ZNF665: variants seen among roughly 807,000 people sequenced by gnomAD.
ZNF665 encodes zinc finger protein 665.
ZNF665 carries 6 observed loss-of-function variants against 7.9 expected under a neutral mutation model. The observed-to-expected ratio is 0.76, with a 90% CI of 0.42 to 1.50. The LOEUF is 1.50. Ranked by LOEUF, ZNF665 falls within the 40% of genes most tolerant of loss-of-function variation. The pLI is 0.01. For synonymous variants in ZNF665, 242 were observed against 274.5 expected, an observed-to-expected ratio of 0.88 and a Z score of 1.17; for missense variants, 819 against 806.7, an observed-to-expected ratio of 1.02 and a Z score of -0.18.
rs537925140 is a variant in ZNF665 at position 53,176,030 on chromosome 19, G to A, written c.16-459C>T. On this transcript the variant is annotated intron_variant, in intron 2 of 3. Coordinates refer to ENST00000396424, the MANE Select transcript of ZNF665 (RefSeq NM_024733.5). Reference sequence around the variant, plus strand: ...ACAAAAATTAGCCGGGCATGGTGGTGCGTACCTGCAATCCCAGCTACTCAG... The same window carrying A: ...ACAAAAATTAGCCGGGCATGGTGGTACGTACCTGCAATCCCAGCTACTCAG... Among the ~76,000 whole-genome samples the A allele has an allele frequency of 5.9e-5, 9 of 152,202 alleles. No individual in the cohort carries two copies. The East Asian group carries it at 1.7e-3, about 30-fold the overall frequency.
intron 3 of ZNF665, among the ~76,000 whole-genome samples, 186 bp from the exon 4 acceptor site, chr19:53,166,533 T>C (rs1436537315): frequency 6.6e-6 from 1 of 152,162 alleles, no homozygotes; most frequent in East Asian, 1.9e-4. Flanking sequence ...GGTGGTAACA[T>C]GTAATTCAAA....
In ZNF665 at chr19:53,165,498, G is replaced by A. The variant is rs200045588; in HGVS notation, c.992C>T (p.Ser331Leu). The change falls in exon 4 of 4, where the codon TCA (serine) becomes TTA (leucine). Residue 331 changes from serine to leucine, a missense_variant. By Grantham distance (145) the Ser-to-Leu change is moderately radical (BLOSUM62 -2). Coordinates refer to ENST00000396424, the MANE Select transcript of ZNF665 (RefSeq NM_024733.5). ...NECGKAFSVR[S>L]SLTTHQTIHT... is the part of the protein sequence containing the mutation. ...GATTGTCTGATGGGTAGTCAGGCTT[G>A]AGCGAACACTAAAGGCTTTGCCACA... 8.0e-4 allele frequency: 1,286 copies of A among 1,613,836 alleles called. 1 individual carries two copies. The highest frequency in any genetic ancestry group is 1.0e-3 in the Non-Finnish European group (1,184 of 1,179,914).
At chr19:53,168,675 C>T (rs2090635836) in intron 3 of ZNF665, among the ~76,000 whole-genome samples, 1 of 152,144 alleles carries the variant, frequency 6.6e-6, no homozygotes, top group African/African-American at 2.4e-5. Context: ...AGTTGTAACA[C>T]TATCACTACC....
chr19:53,176,830 CTG>C (rs1249086680), intron 2 of ZNF665, among the ~76,000 whole-genome samples: 1 of 152,180 alleles, frequency 6.6e-6, no homozygotes, highest in Non-Finnish European at 1.5e-5. Flanking sequence ...GTAGAAGAAA[CTG>C]AATCTGGCTG....
intron 3 of ZNF665, among the ~76,000 whole-genome samples, chr19:53,169,506 A>T (rs1214675324): frequency 2.0e-5 from 3 of 152,162 alleles, no homozygotes; most frequent in African/African-American, 7.2e-5. Flanking sequence ...CTTTAAAAAA[A>T]ATTTTTTTAA....
chr19:53,176,176 G>A (rs8112368), intron 2 of ZNF665, among the ~76,000 whole-genome samples: 90,522 of 151,734 alleles, frequency 0.6, 27,950 homozygotes, highest in South Asian at 0.73. Context: ...AAATAAATAA[G>A]AATAAAAATA....
Position 53,164,920 on chromosome 19 carries a change from T to C in ZNF665, c.1570A>G (p.Ser524Gly). The change falls in exon 4 of 4, where the codon AGT becomes GGT. Residue 524 changes from serine to glycine, a missense_variant. Physicochemically the swap from Ser to Gly is moderately conservative, Grantham distance 56. Coordinates refer to ENST00000396424, the MANE Select transcript of ZNF665 (RefSeq NM_024733.5). ...TGTATAGTTAGGCTTGAATGAACAC[T>C]AAAGGCTTTGCCACACTCATTACAC... ...YKCNECGKAF[S>G]VHSSLTIHQT... The C allele has an allele frequency of 1.2e-6, 2 of 1,614,216 alleles. No homozygotes were observed. The highest frequency in any genetic ancestry group is 1.7e-6 in the Non-Finnish European group (2 of 1,180,048).
At chr19:53,175,011 T>C (rs1381867990) in intron 3 of ZNF665, among the ~76,000 whole-genome samples, 1 of 150,486 alleles carries the variant, frequency 6.6e-6, no homozygotes, top group African/African-American at 2.4e-5. Context: ...GTGCTGTGGC[T>C]TTTCCAGAAT....
intron 2 of ZNF665, among the ~76,000 whole-genome samples, chr19:53,178,305 T>C (rs1035965812): frequency 3.9e-5 from 6 of 152,362 alleles, no homozygotes; most frequent in Middle Eastern, 3.4e-3. Context: ...TGTGAATGAC[T>C]GACATGTAGA....
chr19:53,192,354 C>T (rs2090823757), intron 1 of ZNF665, among the ~76,000 whole-genome samples: 1 of 152,060 alleles, frequency 6.6e-6, no homozygotes, highest in Non-Finnish European at 1.5e-5. Flanking sequence ...TCTTGCTGTC[C>T]CAGCACCACG....
intron 2 of ZNF665, chr19:53,182,090 G>C (rs958316384): frequency 6.6e-6 from 1 of 152,536 alleles, no homozygotes; most frequent in East Asian, 1.9e-4. Context: ...AATGAAGGCC[G>C]GGCGCGGTAG....
At chr19:53,172,456 T>C (rs770517224) in intron 3 of ZNF665, among the ~76,000 whole-genome samples, 3 of 152,188 alleles carry the variant, frequency 2.0e-5, no homozygotes, top group Non-Finnish European at 4.4e-5. Flanking sequence ...ACAGTAGCCA[T>C]TCTGACAACT....
intron 2 of ZNF665, among the ~76,000 whole-genome samples, chr19:53,176,647 TGTGG>T (rs2090700544): frequency 6.6e-6 from 1 of 152,048 alleles, no homozygotes; most frequent in Non-Finnish European, 1.5e-5. Flanking sequence ...GCTGCACCCT[TGTGG>T]GACTGAGCCC....
In ZNF665 at chr19:53,165,231, T is replaced by C; in HGVS notation, c.1259A>G (p.His420Arg). Residue 420 changes from histidine to arginine, a missense_variant, in exon 4 of 4, where the codon CAT (histidine) becomes CGT (arginine). Transcript: ENST00000396424. ...TTTCTCTCCAGTATGAATTCTTCGA[T>C]GATTTGCTAAGTGTGAATACTGAGT... ...VFTQYSHLAN[H>R]RRIHTGEKPY... 6.2e-7 allele frequency: 1 copy of C among 1,614,004 alleles called. No individual in the cohort carries two copies. The highest frequency in any genetic ancestry group is 8.5e-7 in the Non-Finnish European group (1 of 1,179,980).
chr19:53,164,524 A>C lies in ZNF665; in HGVS notation c.1966T>G (p.Cys656Gly). Residue 656 changes from cysteine to glycine, a missense_variant, in exon 4 of 4, where the codon TGT becomes GGT. Cys to Gly is a radical substitution (Grantham distance 159). Coordinates refer to ENST00000396424, the MANE Select transcript of ZNF665 (RefSeq NM_024733.5). ...AVHTGDKPYK[C>G]NQCGKVFTQN... ...GTAAAGACCTTGCCACATTGGTTAC[A>C]TTTGTAAGGTTTGTCTCCAGTATGG... 1 of 1,612,880 alleles carries C rather than the reference A, an allele frequency of 6.2e-7. No individual in the cohort carries two copies. Among genetic ancestry groups the C allele is most frequent in the Non-Finnish European group, 8.5e-7 (1 of 1,179,602 alleles).
intron 1 of ZNF665, among the ~76,000 whole-genome samples, chr19:53,189,296 TAAAAG>T (rs2090796225): frequency 6.6e-6 from 1 of 151,796 alleles, no homozygotes; most frequent in Non-Finnish European, 1.5e-5. Context: ...GACAAAGAGA[TAAAAG>T]AAAAGGCAGC....
chr19:53,182,880 T>C lies in ZNF665; in HGVS notation c.15+4A>G. Reference sequence around the variant, plus strand: ...AGAACAATCCACCGAGAATATCATCTCACCTGAGGAAGAGCCATCCCTGAC... The same window carrying C: ...AGAACAATCCACCGAGAATATCATCCCACCTGAGGAAGAGCCATCCCTGAC... On this transcript the variant is annotated splice_donor_region_variant and intron_variant, in intron 2 of 3. Coordinates refer to ENST00000396424, the MANE Select transcript of ZNF665 (RefSeq NM_024733.5). The C allele has an allele frequency of 6.2e-7, 1 of 1,612,756 alleles. No homozygotes were observed.
At chr19:53,171,524 A>ATATATATATATAT (rs372855271) in intron 3 of ZNF665, among the ~76,000 whole-genome samples, 1,269 of 69,200 alleles carry the variant, frequency 0.018, 35 homozygotes, top group Non-Finnish European at 0.027. Context: ...ATATATATAT[A>ATATATATATATAT]TTTTTTTTTT....
At chr19:53,169,807 G>C (rs1404178005) in intron 3 of ZNF665, among the ~76,000 whole-genome samples, 1 of 147,984 alleles carries the variant, frequency 6.8e-6, no homozygotes, top group Non-Finnish European at 1.5e-5. Context: ...TCTTGCAATA[G>C]TTTACTGAGA....
Sources: gnomAD v4.1 joint callset for allele counts (sites outside exome capture counted in the v4.1 genomes callset) on GRCh38, gnomAD v4.1.1 for gene constraint, MANE v1.5 for transcripts, NCBI Gene and HGNC (gene_info 2026-07-23, HGNC 2026-07-21) for gene names.